CABLES1: variants seen among roughly 807,000 people sequenced by gnomAD.
The protein encoded by CABLES1 is CDK5 and ABL1 enzyme substrate 1.
Under a neutral mutation model 57.8 loss-of-function variants are expected in CABLES1, and 36 were observed. That is an observed-to-expected ratio of 0.62 (90% confidence interval 0.48 to 0.82). CABLES1 has a LOEUF of 0.82. Ranked by LOEUF, CABLES1 falls within the 40% of genes least tolerant of loss-of-function variation. CABLES1 has a pLI of 0.00. For missense variants in CABLES1, 767 were observed against 836.6 expected (o/e 0.92, Z 1.03); for synonymous variants, 374 against 363.0 (o/e 1.03, Z -0.35).
At chr18:23,251,544 G>T (rs1433197603) in intron 7 of CABLES1, among the ~76,000 whole-genome samples, 8 of 152,208 alleles carry the variant, frequency 5.3e-5, no homozygotes, top group African/African-American at 1.7e-4. Context: ...TGAACTGGAG[G>T]AAACCCAGAA....
intron 1 of CABLES1, among the ~76,000 whole-genome samples, chr18:23,186,105 A>T (rs761606390): frequency 4.1e-4 from 62 of 152,220 alleles, no homozygotes; most frequent in Non-Finnish European, 8.1e-4. Flanking sequence ...TGGAAGGAAC[A>T]TGTACGCATC....
chr18:23,217,527 C>G (rs562425769), intron 4 of CABLES1, among the ~76,000 whole-genome samples: 2 of 152,306 alleles, frequency 1.3e-5, no homozygotes, highest in South Asian at 4.2e-4. Context: ...TGTGATGTAG[C>G]AGCAGGATTA....
At chr18:23,250,369 G>A (rs1354805798) in intron 7 of CABLES1, among the ~76,000 whole-genome samples, 1 of 152,172 alleles carries the variant, frequency 6.6e-6, no homozygotes, top group African/African-American at 2.4e-5. Flanking sequence ...GAAGCTGGAG[G>A]AAGGTGCTGA....
chr18:23,159,611 C>T (rs1043174332), intron 1 of CABLES1, among the ~76,000 whole-genome samples: 8 of 152,026 alleles, frequency 5.3e-5, no homozygotes, highest in East Asian at 1.9e-4. Context: ...TGATTCTGCC[C>T]GAGGCGACGG....
intron 5 of CABLES1, 126 bp downstream of exon 5, chr18:23,234,830 G>A (rs1598844446): frequency 1.4e-6 from 1 of 734,722 alleles, no homozygotes; most frequent in South Asian, 1.7e-5. Context: ...AGATTCCCAG[G>A]CATGTGATGC....
intron 4 of CABLES1, among the ~76,000 whole-genome samples, chr18:23,224,694 G>A (rs1049206735): frequency 3.1e-4 from 46 of 149,686 alleles, no homozygotes; most frequent in African/African-American, 1.1e-3. Flanking sequence ...ACAGCCTCCT[G>A]AGTAGCTGGG....
chr18:23,212,290 T>C (rs2047410573), intron 3 of CABLES1, among the ~76,000 whole-genome samples: 1 of 152,254 alleles, frequency 6.6e-6, no homozygotes, highest in South Asian at 2.1e-4. Context: ...TTCTGAGGGT[T>C]CTCCAAGTAT....
chr18:23,179,983 A>T (rs2047152943), intron 1 of CABLES1, among the ~76,000 whole-genome samples: 1 of 152,258 alleles, frequency 6.6e-6, no homozygotes, highest in Non-Finnish European at 1.5e-5. Context: ...CAGTGGCGCA[A>T]TCTTGGCTCA....
At chr18:23,197,994 A>G (rs1442614605) in intron 3 of CABLES1, 1 of 152,170 alleles carries the variant, frequency 6.6e-6, no homozygotes, top group East Asian at 1.9e-4. Context: ...ATGGTGGCTC[A>G]TGCCTGTAAT....
intron 1 of CABLES1, among the ~76,000 whole-genome samples, chr18:23,188,485 T>C (rs1225699354): frequency 6.6e-6 from 1 of 152,122 alleles, no homozygotes; most frequent in Non-Finnish European, 1.5e-5. Context: ...GCTAATGCCT[T>C]AGAAAAGCTG....
At chr18:23,198,392 A>G (rs2047299858) in intron 3 of CABLES1, among the ~76,000 whole-genome samples, 1 of 152,234 alleles carries the variant, frequency 6.6e-6, no homozygotes, top group Admixed American at 6.5e-5. Context: ...GAATGGAAAG[A>G]ATTTAGAAAT....
chr18:23,144,109 C>T (rs1362663398), intron 1 of CABLES1, among the ~76,000 whole-genome samples: 1 of 152,238 alleles, frequency 6.6e-6, no homozygotes, highest in Non-Finnish European at 1.5e-5. Context: ...CCGTCAGCCA[C>T]AGAGCCAGCC....
intron 9 of CABLES1, among the ~76,000 whole-genome samples, chr18:23,254,416 T>C (rs2145138971): frequency 6.6e-6 from 1 of 152,348 alleles, no homozygotes; most frequent in East Asian, 1.9e-4. Context: ...TCGATCTCCT[T>C]GGATGGCTAC....
At chr18:23,166,346 G>C (rs2047042544) in intron 1 of CABLES1, among the ~76,000 whole-genome samples, 1 of 151,928 alleles carries the variant, frequency 6.6e-6, no homozygotes, top group East Asian at 1.9e-4. Flanking sequence ...GGGACTACAG[G>C]CACCCACCAC....
In CABLES1 at chr18:23,202,976, G is replaced by C. The variant is rs527534601; in HGVS notation, c.1010+8436G>C. On this transcript the variant is annotated intron_variant, in intron 3 of 9. Transcript: ENST00000256925. ...CACTCCAGCCTGGGAGACAGAGCAA[G>C]ACTCCATCAAAAAAAAAAAAAAAAG... 4.9e-5 allele frequency among the ~76,000 whole-genome samples: 7 copies of C among 143,812 alleles called. No homozygotes were observed. The South Asian group carries it at 1.3e-3, about 27-fold the overall frequency. The allele number at this position is 143,812 out of a possible 152,430, so 94.3% of individuals were successfully genotyped here. A position where few individuals can be genotyped will look rare whatever the true frequency, so the allele number is the denominator to read the frequency against.
At chr18:23,195,673 G>A (rs193046196) in intron 3 of CABLES1, among the ~76,000 whole-genome samples, 95 of 152,234 alleles carry the variant, frequency 6.2e-4, no homozygotes, top group South Asian at 3.7e-3. Context: ...TTTTTACATC[G>A]TCAGTATATG....
At chr18:23,175,297 G>T (rs961828351) in intron 1 of CABLES1, among the ~76,000 whole-genome samples, 1 of 152,018 alleles carries the variant, frequency 6.6e-6, no homozygotes, top group Non-Finnish European at 1.5e-5. Flanking sequence ...TTATATTTTG[G>T]GATTTGGTGT....
rs76448736 is a variant in CABLES1 at position 23,199,166 on chromosome 18, G to A, written c.1010+4626G>A. 6.8e-3 allele frequency among the ~76,000 whole-genome samples: 1,038 copies of A among 152,284 alleles called. 13 individuals are homozygous for A. Among genetic ancestry groups the A allele is most frequent in the African/African-American group, 0.023 (965 of 41,566 alleles). On this transcript the variant is annotated intron_variant, in intron 3 of 9. Transcript: ENST00000256925. ...AAGCAAACTTACAAGAATGGGGTGA[G>A]GGAGACTAAAGTCTAGATGAACTCG... is the stretch of plus-strand genomic sequence containing the variant.
At chr18:23,241,363 T>C (rs2145096654) in intron 7 of CABLES1, among the ~76,000 whole-genome samples, 1 of 152,164 alleles carries the variant, frequency 6.6e-6, no homozygotes, top group African/African-American at 2.4e-5. Flanking sequence ...AAACTCTGTC[T>C]CTACTAAAAA....
Sources: gnomAD v4.1 joint callset for allele counts (sites outside exome capture counted in the v4.1 genomes callset) on GRCh38, gnomAD v4.1.1 for gene constraint, MANE v1.5 for transcripts, NCBI Gene and HGNC (gene_info 2026-07-23, HGNC 2026-07-21) for gene names.